SGCZ: variants seen among roughly 807,000 people sequenced by gnomAD.
SGCZ encodes zeta-sarcoglycan.
A neutral mutation model predicts 41.3 loss-of-function variants in SGCZ; 40 were observed. The ratio of observed to expected loss-of-function variants is 0.97; its 90% CI spans 0.75 to 1.26. The LOEUF (loss-of-function observed/expected upper bound fraction) is 1.26. Among genes scored for constraint, SGCZ ranks in the 50% most tolerant of loss-of-function variants. SGCZ has a pLI of 0.00. For missense variants in SGCZ, 552 were observed against 369.8 expected, an observed-to-expected ratio of 1.49 and a Z score of -4.04; for synonymous variants, 206 against 137.5, an observed-to-expected ratio of 1.50 and a Z score of -3.49.
intron 2 of SGCZ, among the ~76,000 whole-genome samples, chr8:14,373,873 C>A (rs1804005296): frequency 6.6e-6 from 1 of 152,008 alleles, no homozygotes; most frequent in African/African-American, 2.4e-5. Context: ...ATAGCCACAC[C>A]TGGACTTAAT....
intron 2 of SGCZ, among the ~76,000 whole-genome samples, chr8:14,534,414 G>C (rs1032703298): frequency 6.6e-6 from 1 of 152,026 alleles, no homozygotes; most frequent in Non-Finnish European, 1.5e-5. Flanking sequence ...TTTCTAAGTA[G>C]AACTGTATAT....
chr8:14,773,851 G>T (rs76178960), intron 1 of SGCZ, among the ~76,000 whole-genome samples: 3 of 152,124 alleles, frequency 2.0e-5, no homozygotes, highest in South Asian at 2.1e-4. Context: ...AGGCAAGAAG[G>T]GAAGTGGTAG....
intron 2 of SGCZ, among the ~76,000 whole-genome samples, chr8:14,514,043 A>G (rs985432082): frequency 6.6e-6 from 1 of 152,134 alleles, no homozygotes; most frequent in Non-Finnish European, 1.5e-5. Context: ...TGAGCATAAT[A>G]AGAACACTGT....
chr8:15,134,504 G>A (rs183529098), intron 1 of SGCZ, among the ~76,000 whole-genome samples: 23 of 151,132 alleles, frequency 1.5e-4, no homozygotes, highest in Admixed American at 4.0e-4. Context: ...GAAAAATAGC[G>A]CATTTTTTTT....
chr8:14,658,795 C>G (rs1216704110), intron 1 of SGCZ, among the ~76,000 whole-genome samples: 3 of 151,858 alleles, frequency 2.0e-5, no homozygotes, highest in Non-Finnish European at 4.4e-5. Flanking sequence ...GCAAGGATTT[C>G]TGTCCCCAGA....
At chr8:15,024,773 A>AAAAATAC (rs1803386164) in intron 1 of SGCZ, among the ~76,000 whole-genome samples, 1 of 151,888 alleles carries the variant, frequency 6.6e-6, no homozygotes, top group South Asian at 2.1e-4. Flanking sequence ...CATCTCTACT[A>AAAAATAC]AAAATACAAA....
intron 2 of SGCZ, among the ~76,000 whole-genome samples, chr8:14,516,162 T>C (rs1189659236): frequency 2.0e-5 from 3 of 151,988 alleles, no homozygotes; most frequent in African/African-American, 2.4e-5. Context: ...CATTTTACTT[T>C]AGGTTTGAGG....
chr8:14,463,385 G>A (rs78608257), intron 2 of SGCZ, among the ~76,000 whole-genome samples: 1,742 of 142,458 alleles, frequency 0.012, 37 homozygotes, highest in African/African-American at 0.041. Context: ...AAAAGAATAC[G>A]AAGTTTTTAA....
chr8:15,231,473 A>C (rs573268840), intron 1 of SGCZ, among the ~76,000 whole-genome samples: 103 of 152,216 alleles, frequency 6.8e-4, no homozygotes, highest in Admixed American at 9.8e-4. Flanking sequence ...GGTAACCTTA[A>C]ATTTGCTCAT....
At chr8:15,023,269 C>T (rs1489586241) in intron 1 of SGCZ, among the ~76,000 whole-genome samples, 1 of 152,154 alleles carries the variant, frequency 6.6e-6, no homozygotes, top group East Asian at 1.9e-4. Context: ...ATCATGGTGG[C>T]TCTTGAGCTT....
At chr8:14,143,236 G>C (rs187436602) in intron 5 of SGCZ, among the ~76,000 whole-genome samples, 2 of 152,110 alleles carry the variant, frequency 1.3e-5, no homozygotes, top group Non-Finnish European at 2.9e-5. Flanking sequence ...GACTGGATGA[G>C]TTCTCTCTAA....
chr8:14,703,140 C>A (rs1260980094), intron 1 of SGCZ, among the ~76,000 whole-genome samples: 1 of 151,890 alleles, frequency 6.6e-6, no homozygotes, highest in African/African-American at 2.4e-5. Flanking sequence ...ATGATGTTAT[C>A]ACCCTATTCA....
chr8:14,935,152 T>C (rs1054992262), intron 1 of SGCZ, among the ~76,000 whole-genome samples: 2 of 151,812 alleles, frequency 1.3e-5, no homozygotes, highest in African/African-American at 4.8e-5. Context: ...TGATTTTGTT[T>C]TTTAAAAAGT....
intron 4 of SGCZ, among the ~76,000 whole-genome samples, chr8:14,182,174 G>C (rs984423730): frequency 6.6e-6 from 1 of 152,112 alleles, no homozygotes. Context: ...TTGGGGGAAA[G>C]AATGCAAAAT....
chr8:14,381,577 A>G (rs28459298), intron 2 of SGCZ, among the ~76,000 whole-genome samples: 1 of 151,694 alleles, frequency 6.6e-6, no homozygotes, highest in Non-Finnish European at 1.5e-5. Flanking sequence ...GAGTCTGAGA[A>G]CAGCCTGGGC....
At chr8:14,871,694 C>T (rs1352987468) in intron 1 of SGCZ, among the ~76,000 whole-genome samples, 1 of 151,894 alleles carries the variant, frequency 6.6e-6, no homozygotes, top group Non-Finnish European at 1.5e-5. Context: ...GTCCCAGCTA[C>T]TTGGGAGGCT....
chr8:14,819,570 A>C (rs1802012180), intron 1 of SGCZ, among the ~76,000 whole-genome samples: 1 of 152,168 alleles, frequency 6.6e-6, no homozygotes, highest in African/African-American at 2.4e-5. Flanking sequence ...TAAATGTATA[A>C]TTCAATCTTA....
chr8:14,589,044 T>C lies in SGCZ; in HGVS notation c.40-34118A>G, dbSNP rs140429563. Among the ~76,000 whole-genome samples, 914 of 152,298 alleles carry C rather than the reference T, an allele frequency of 6.0e-3. 11 individuals carry two copies. The highest frequency in any genetic ancestry group is 0.021 in the African/African-American group (868 of 41,558). ...CATTCTTCTTTCACCCTTCCATCAA[T>C]TGTGTGACCTTTGTTCAATGTAGCA... On this transcript the variant is annotated intron_variant, in intron 1 of 7. Coordinates refer to ENST00000382080, the MANE Select transcript of SGCZ (RefSeq NM_139167.4).
chr8:14,753,682 TG>T (rs1446219925), intron 1 of SGCZ, among the ~76,000 whole-genome samples: 2 of 152,064 alleles, frequency 1.3e-5, no homozygotes, highest in Non-Finnish European at 2.9e-5. Context: ...TCAGAATGGT[TG>T]TACAATTTTA....
Sources: allele counts gnomAD v4.1 joint callset (sites outside exome capture counted in the v4.1 genomes callset), GRCh38; gene constraint gnomAD v4.1.1; transcripts MANE v1.5; gene names NCBI Gene and HGNC (gene_info 2026-07-23, HGNC 2026-07-21).